The following CHD1L variants were observed in gnomAD, a reference collection of about 807,000 sequenced individuals.
CHD1L encodes ATP-dependent chromatin remodeler CHD1L.
CHD1L carries 118 observed loss-of-function variants against 115.9 expected under a neutral mutation model. The ratio of observed to expected loss-of-function variants is 1.02; its 90% CI spans 0.88 to 1.19. The LOEUF (loss-of-function observed/expected upper bound fraction) is 1.19. Ranked by LOEUF, CHD1L falls within the 50% of genes most tolerant of loss-of-function variation. The probability of loss-of-function intolerance (pLI) is 0.00; values close to 1 mark genes in which losing one functional copy is unlikely to be tolerated. For missense variants in CHD1L, 1,179 were observed against 1,065.3 expected, an observed-to-expected ratio of 1.11 and a Z score of -1.49; for synonymous variants, 411 against 387.1, an observed-to-expected ratio of 1.06 and a Z score of -0.72.
In CHD1L at chr1:147,295,417, A is replaced by G; in HGVS notation, c.2616-14A>G. 3.8e-6 allele frequency: 6 copies of G among 1,581,474 alleles called. No homozygotes were observed. Among genetic ancestry groups the G allele is most frequent in the Non-Finnish European group, 4.3e-6 (5 of 1,151,990 alleles). On this transcript the variant is annotated splice_polypyrimidine_tract_variant and intron_variant, in intron 22 of 22. Coordinates refer to ENST00000369258, the MANE Select transcript of CHD1L (RefSeq NM_004284.6). ...AAAGTGATGACATGTATCTTCCTTG[A>G]CCATCCTTATCAGATATTATTTTCC...
At chr1:147,265,188 A>G (rs1351505282) in intron 7 of CHD1L, among the ~76,000 whole-genome samples, 1 of 152,142 alleles carries the variant, frequency 6.6e-6, no homozygotes, top group African/African-American at 2.4e-5. Context: ...TTGGGTAAGT[A>G]TGAGTTTGAG....
intron 15 of CHD1L, among the ~76,000 whole-genome samples, chr1:147,283,816 C>T (rs111573614): frequency 2.0e-5 from 3 of 152,240 alleles, no homozygotes; most frequent in African/African-American, 7.2e-5. Context: ...CTGCCTAAGC[C>T]TCAGTTTTCC....
At chr1:147,264,833 T>C (rs1246681142) in intron 7 of CHD1L, among the ~76,000 whole-genome samples, 1 of 152,222 alleles carries the variant, frequency 6.6e-6, no homozygotes, top group African/African-American at 2.4e-5. Flanking sequence ...TTGGAAGAAA[T>C]AGAAAGTGCC....
the CHD1L span, chr1:147,203,844 T>A: frequency 6.3e-7 from 1 of 1,577,400 alleles, no homozygotes; most frequent in East Asian, 2.2e-5. Flanking sequence ...TTTTCATGCT[T>A]AAAAACCACC....
the CHD1L span, among the ~76,000 whole-genome samples, chr1:147,200,802 G>C: frequency 6.6e-6 from 1 of 152,092 alleles, no homozygotes; most frequent in Non-Finnish European, 1.5e-5. Context: ...ATATATGCCA[G>C]TTGCCTAAAA....
the CHD1L span, among the ~76,000 whole-genome samples, chr1:147,234,606 T>C: frequency 6.6e-6 from 1 of 152,316 alleles, no homozygotes; most frequent in South Asian, 2.1e-4. Context: ...AAAAAATTAT[T>C]TTGTTTTCTA....
the CHD1L span, among the ~76,000 whole-genome samples, chr1:147,197,046 T>G: frequency 6.6e-6 from 1 of 152,212 alleles, no homozygotes. Flanking sequence ...GTTAAAATCC[T>G]TCAGTGGTTC....
intron 14 of CHD1L, among the ~76,000 whole-genome samples, chr1:147,279,211 C>T (rs1441912190): frequency 6.6e-6 from 1 of 152,176 alleles, no homozygotes; most frequent in Non-Finnish European, 1.5e-5. Flanking sequence ...AATAGACGAT[C>T]TGGAGATAAC....
chr1:147,196,641 A>G, the CHD1L span, among the ~76,000 whole-genome samples: 645 of 152,176 alleles, frequency 4.2e-3, 6 homozygotes, highest in Admixed American at 8.6e-3. Context: ...TTTTACGTGT[A>G]TACTCTGTGG....
intron 2 of CHD1L, among the ~76,000 whole-genome samples, chr1:147,254,269 T>C (rs1350869841): frequency 1.3e-5 from 2 of 152,218 alleles, no homozygotes; most frequent in Non-Finnish European, 2.9e-5. Context: ...CGTTAGAATG[T>C]GTCCTCCAGG....
chr1:147,235,787 T>C, the CHD1L span, among the ~76,000 whole-genome samples: 22 of 152,186 alleles, frequency 1.4e-4, no homozygotes, highest in Non-Finnish European at 2.9e-5. Flanking sequence ...AGAAACATTT[T>C]GGCTTCCTAT....
At chr1:147,208,457 T>TTTC in the CHD1L span, 1 of 151,558 alleles carries the variant, frequency 6.6e-6, no homozygotes, top group Non-Finnish European at 1.5e-5. Flanking sequence ...TTTTTTTTTT[T>TTTC]CTTTTTGAGA....
intron 1 of CHD1L, among the ~76,000 whole-genome samples, chr1:147,244,708 T>C (rs1306151512): frequency 6.6e-6 from 1 of 152,180 alleles, no homozygotes; most frequent in African/African-American, 2.4e-5. Context: ...TCCTTATCAT[T>C]CAGTCTTCTT....
intron 1 of CHD1L, among the ~76,000 whole-genome samples, chr1:147,248,285 G>A (rs587646857): frequency 1.3e-5 from 2 of 151,466 alleles, no homozygotes; most frequent in East Asian, 1.9e-4. Context: ...TCAGCTCACC[G>A]CAACCTCCTG....
chr1:147,273,018 G>T (rs1479114014), intron 12 of CHD1L, among the ~76,000 whole-genome samples: 1 of 151,834 alleles, frequency 6.6e-6, no homozygotes, highest in Non-Finnish European at 1.5e-5. Flanking sequence ...TGGCCAACAT[G>T]GTGAAACCCC....
intron 6 of CHD1L, 38 bp from the exon 7 acceptor site, chr1:147,264,384 G>T: frequency 6.6e-7 from 1 of 1,514,194 alleles, no homozygotes; most frequent in Non-Finnish European, 8.9e-7. Context: ...GCATTCCAGT[G>T]TTATGGAATT....
intron 14 of CHD1L, 102 bp downstream of exon 14, chr1:147,276,359 A>T: frequency 1.6e-6 from 2 of 1,241,506 alleles, no homozygotes. Flanking sequence ...CCCCAGCTAC[A>T]CATTTGTTCC....
At chr1:147,240,947 G>C (rs997276015), upstream of CHD1L, among the ~76,000 whole-genome samples, 1 of 151,940 alleles carries the variant, frequency 6.6e-6, no homozygotes, top group Non-Finnish European at 1.5e-5. Context: ...GCTGAGCGCC[G>C]GTTCCCTGGG....
chr1:147,194,130 G>GC, the CHD1L span, among the ~76,000 whole-genome samples: 3 of 152,100 alleles, frequency 2.0e-5, no homozygotes, highest in Non-Finnish European at 4.4e-5. Flanking sequence ...CATTATTATT[G>GC]CGTGGGAGTC....
Sources: allele counts gnomAD v4.1 joint callset (sites outside exome capture counted in the v4.1 genomes callset), GRCh38; gene constraint gnomAD v4.1.1; transcripts MANE v1.5; gene names NCBI Gene and HGNC (gene_info 2026-07-23, HGNC 2026-07-21).